The following NELL1 variants were observed in gnomAD, a reference collection of about 807,000 sequenced individuals.
NELL1 encodes the protein neural EGFL like 1, also known as protein kinase C-binding protein NELL1.
A neutral mutation model predicts 107.4 loss-of-function variants in NELL1; 76 were observed. The ratio of observed to expected loss-of-function variants is 0.71; its 90% confidence interval spans 0.59 to 0.86. The LOEUF is 0.86. Ranked by LOEUF, NELL1 falls within the 40% of genes least tolerant of loss-of-function variation. The probability of loss-of-function intolerance (pLI) is 0.00; values close to 1 mark genes in which losing one functional copy is unlikely to be tolerated. For missense variants in NELL1, 1,024 were observed against 1,005.5 expected (o/e 1.02, Z -0.25); for synonymous variants, 353 against 341.2 (o/e 1.03, Z -0.38).
At chr11:21,114,090 T>C (rs1304506328) in intron 13 of NELL1, among the ~76,000 whole-genome samples, 1 of 152,018 alleles carries the variant, frequency 6.6e-6, no homozygotes, top group African/African-American at 2.4e-5. Context: ...TTGTTCCCAC[T>C]GGGAAAGACA....
intron 2 of NELL1, among the ~76,000 whole-genome samples, chr11:20,714,607 G>A (rs149854333): frequency 1.3e-5 from 2 of 150,836 alleles, no homozygotes; most frequent in African/African-American, 4.9e-5. Context: ...CTGCAGCCTC[G>A]ACCTCCCAGG....
chr11:20,927,143 G>T, intron 7 of NELL1, 165 bp from the exon 8 acceptor site: 1 of 590,310 alleles, frequency 1.7e-6, no homozygotes. Flanking sequence ...TCCACCTTGT[G>T]TAAAAAAAAT....
intron 2 of NELL1, among the ~76,000 whole-genome samples, chr11:20,707,474 C>A (rs1235559707): frequency 6.6e-6 from 1 of 152,228 alleles, no homozygotes; most frequent in African/African-American, 2.4e-5. Context: ...AGCTTTCCTT[C>A]TCTGGTTTCT....
chr11:21,515,265 A>T (rs1855528670), intron 15 of NELL1, among the ~76,000 whole-genome samples: 1 of 152,216 alleles, frequency 6.6e-6, no homozygotes, highest in South Asian at 2.1e-4. Flanking sequence ...GGCATAAGTC[A>T]TGGGAAAATG....
At chr11:20,987,046 G>T (rs1244105888) in intron 12 of NELL1, among the ~76,000 whole-genome samples, 6 of 152,024 alleles carry the variant, frequency 3.9e-5, no homozygotes, top group Admixed American at 3.3e-4. Context: ...ATTTTGCCTG[G>T]TACACCCCTG....
At chr11:21,368,360 T>G (rs536297105) in intron 14 of NELL1, among the ~76,000 whole-genome samples, 1 of 151,952 alleles carries the variant, frequency 6.6e-6, no homozygotes, top group South Asian at 2.1e-4. Flanking sequence ...CATTGGTTTT[T>G]TTTTTTTTTC....
chr11:20,674,250 A>T (rs1853992721), intron 1 of NELL1, among the ~76,000 whole-genome samples: 1 of 152,082 alleles, frequency 6.6e-6, no homozygotes, highest in Non-Finnish European at 1.5e-5. Context: ...GGCTGGGAGG[A>T]AAGGGGCCAT....
chr11:21,227,741 A>G (rs1857931483), intron 13 of NELL1, among the ~76,000 whole-genome samples: 1 of 152,152 alleles, frequency 6.6e-6, no homozygotes, highest in Admixed American at 6.5e-5. Context: ...CCGTTTGCTA[A>G]CCTGTGCACA....
intron 15 of NELL1, among the ~76,000 whole-genome samples, chr11:21,373,713 C>A (rs12798947): frequency 0.21 from 31,382 of 152,002 alleles, 3,279 homozygotes; most frequent in Middle Eastern, 0.23. Flanking sequence ...CCATTGATGA[C>A]ATTTCAGTAA....
At chr11:20,931,540 G>A (rs1236854309) in intron 9 of NELL1, among the ~76,000 whole-genome samples, 12 of 151,948 alleles carry the variant, frequency 7.9e-5, no homozygotes, top group Non-Finnish European at 1.6e-4. Flanking sequence ...GCTGTAGACC[G>A]TAAATATGCA....
At chr11:20,757,157 A>G (rs1156261906) in intron 2 of NELL1, among the ~76,000 whole-genome samples, 2 of 143,024 alleles carry the variant, frequency 1.4e-5, no homozygotes, top group Non-Finnish European at 1.5e-5. Context: ...TTTCCTTTAC[A>G]CTTAGTTTTT....
chr11:20,694,856 G>T (rs1436026840), intron 2 of NELL1, among the ~76,000 whole-genome samples: 1 of 151,906 alleles, frequency 6.6e-6, no homozygotes, highest in South Asian at 2.1e-4. Flanking sequence ...TATAGGAGTT[G>T]TGTTGAATCC....
At chr11:20,930,634 C>T (rs1850598737) in intron 9 of NELL1, among the ~76,000 whole-genome samples, 1 of 152,102 alleles carries the variant, frequency 6.6e-6, no homozygotes. Flanking sequence ...CAAAGATGAA[C>T]ATTTTCAAGG....
chr11:21,561,392 A>G (rs1302184219), intron 17 of NELL1, among the ~76,000 whole-genome samples: 1 of 152,052 alleles, frequency 6.6e-6, no homozygotes, highest in African/African-American at 2.4e-5. Context: ...CCCCTTTCAC[A>G]TAAACCTAGT....
chr11:21,262,184 C>T (rs1848546927), intron 14 of NELL1, among the ~76,000 whole-genome samples: 1 of 151,810 alleles, frequency 6.6e-6, no homozygotes, highest in South Asian at 2.1e-4. Flanking sequence ...TAAATACCCT[C>T]TAAGACATTA....
intron 14 of NELL1, among the ~76,000 whole-genome samples, chr11:21,318,903 A>G (rs1378820821): frequency 1.3e-5 from 2 of 152,048 alleles, no homozygotes; most frequent in Non-Finnish European, 2.9e-5. Context: ...GTGACTAACC[A>G]TAGTAAATGG....
chr11:21,371,582 A>C (rs1207573694), intron 15 of NELL1, among the ~76,000 whole-genome samples: 1 of 152,126 alleles, frequency 6.6e-6, no homozygotes, highest in Non-Finnish European at 1.5e-5. Context: ...CTATTTGTGT[A>C]TAAGTGAAAT....
intron 5 of NELL1, among the ~76,000 whole-genome samples, chr11:20,897,141 C>T (rs1405954544): frequency 1.3e-5 from 2 of 152,176 alleles, no homozygotes; most frequent in Non-Finnish European, 2.9e-5. Flanking sequence ...CTGGAGGCAT[C>T]ATGCTACCTG....
At chr11:21,386,424 C>G (rs1026143772) in intron 15 of NELL1, among the ~76,000 whole-genome samples, 1 of 151,748 alleles carries the variant, frequency 6.6e-6, no homozygotes, top group Non-Finnish European at 1.5e-5. Context: ...CTAGATGGTT[C>G]ATTTCAGGAA....
Sources: gnomAD v4.1 joint callset for allele counts (sites outside exome capture counted in the v4.1 genomes callset) on GRCh38, gnomAD v4.1.1 for gene constraint, MANE v1.5 for transcripts, NCBI Gene and HGNC (gene_info 2026-07-23, HGNC 2026-07-21) for gene names.